Variants in CMIP observed in about 807,000 individuals in gnomAD.
CMIP encodes the protein c-Maf inducing protein.
A neutral mutation model predicts 97.3 loss-of-function variants in CMIP; 13 were observed. That is an observed-to-expected ratio of 0.13 (90% CI 0.09 to 0.21). The LOEUF (loss-of-function observed/expected upper bound fraction) is 0.21. Among genes scored for constraint, CMIP ranks in the 10% least tolerant of loss-of-function variants. The probability of loss-of-function intolerance (pLI) is 1.00; values close to 1 mark genes in which losing one functional copy is unlikely to be tolerated. For synonymous variants in CMIP, 538 were observed against 436.3 expected (o/e 1.23, Z -2.91); for missense variants, 847 against 1,024.9 (o/e 0.83, Z 2.37).
chr16:81,544,497 G>T (rs2090507355), intron 1 of CMIP, among the ~76,000 whole-genome samples: 1 of 151,622 alleles, frequency 6.6e-6, no homozygotes. Flanking sequence ...CAAACAGCCT[G>T]CCGCTGACCT....
chr16:81,476,502 C>T, intron 1 of CMIP: 1 of 708,308 alleles, frequency 1.4e-6, no homozygotes, highest in South Asian at 1.4e-5. Context: ...TGTCAGAGAA[C>T]ACAGTGGGGT....
chr16:81,466,318 C>T (rs1400502155), intron 1 of CMIP, among the ~76,000 whole-genome samples: 1 of 152,210 alleles, frequency 6.6e-6, no homozygotes, highest in African/African-American at 2.4e-5. Context: ...GCCTTGGCCT[C>T]CCAAAGTGTT....
chr16:81,692,933 TG>T (rs1179293738), intron 11 of CMIP, among the ~76,000 whole-genome samples: 2 of 152,176 alleles, frequency 1.3e-5, no homozygotes, highest in African/African-American at 2.4e-5. Flanking sequence ...CTTTCGGGAA[TG>T]GGGGGCCCAG....
At chr16:81,603,418 C>T (rs1357034744) in intron 1 of CMIP, 1 of 454,462 alleles carries the variant, frequency 2.2e-6, no homozygotes, top group Non-Finnish European at 4.4e-6. Flanking sequence ...TCTTTTAGGA[C>T]AGTTTGAGAT....
intron 1 of CMIP, among the ~76,000 whole-genome samples, chr16:81,455,550 C>T (rs1046726034): frequency 2.0e-5 from 3 of 152,216 alleles, no homozygotes; most frequent in African/African-American, 7.2e-5. Flanking sequence ...CGAGTTCTAC[C>T]ACTCCCCTGC....
At chr16:81,513,053 A>G (rs762814842) in intron 1 of CMIP, among the ~76,000 whole-genome samples, 17 of 152,200 alleles carry the variant, frequency 1.1e-4, no homozygotes, top group African/African-American at 2.7e-4. Flanking sequence ...ATGAATTTCA[A>G]TTCCTTGCAG....
intron 1 of CMIP, among the ~76,000 whole-genome samples, chr16:81,521,942 G>T (rs1172080567): frequency 2.0e-5 from 3 of 152,146 alleles, no homozygotes; most frequent in Non-Finnish European, 2.9e-5. Context: ...TGAAATGCAG[G>T]GTACAGAATA....
At chr16:81,469,255 C>G (rs1854996455) in intron 1 of CMIP, among the ~76,000 whole-genome samples, 1 of 152,238 alleles carries the variant, frequency 6.6e-6, no homozygotes, top group Non-Finnish European at 1.5e-5. Context: ...TATAGGAAAA[C>G]TGGGATCAGC....
At chr16:81,458,223 C>T (rs1365567314) in intron 1 of CMIP, among the ~76,000 whole-genome samples, 1 of 152,148 alleles carries the variant, frequency 6.6e-6, no homozygotes, top group Non-Finnish European at 1.5e-5. Context: ...TGACCCCAGA[C>T]CCATCCACGG....
intron 2 of CMIP, among the ~76,000 whole-genome samples, chr16:81,612,945 G>GCAGGACAGTATGGGGACTCTGCA (rs2091855865): frequency 6.6e-6 from 1 of 152,200 alleles, no homozygotes; most frequent in African/African-American, 2.4e-5. Flanking sequence ...TCAGCCACCA[G>GCAGGACAGTATGGGGACTCTGCA]CAGGACAGTA....
At chr16:81,541,824 G>C (rs2090454651) in intron 1 of CMIP, among the ~76,000 whole-genome samples, 1 of 152,188 alleles carries the variant, frequency 6.6e-6, no homozygotes, top group African/African-American at 2.4e-5. Flanking sequence ...GCGTTTATGT[G>C]AAAACGACCC....
chr16:81,625,755 G>C (rs1012150954), intron 3 of CMIP, among the ~76,000 whole-genome samples: 1 of 152,218 alleles, frequency 6.6e-6, no homozygotes, highest in African/African-American at 2.4e-5. Flanking sequence ...GCCCCGAGAA[G>C]CCAGGATGCA....
In CMIP at chr16:81,604,396, CA is replaced by C. The variant is rs886259734; in HGVS notation, c.301-3151del. 6.5e-3 allele frequency among the ~76,000 whole-genome samples: 380 copies of C among 58,670 alleles called. 1 individual carries two copies. The highest frequency in any genetic ancestry group is 0.024 in the Middle Eastern group (2 of 84). 38.5% of individuals were successfully genotyped at this position (58,670 alleles called of 152,430 possible). ...GGGTGACAAGAGCAAAACTCTGTCT[CA>C]AAAAAAAAAAAAAAAAAAAGGACCG... On this transcript the variant is annotated intron_variant, in intron 1 of 20. Transcript: ENST00000537098.
intron 1 of CMIP, among the ~76,000 whole-genome samples, chr16:81,456,515 A>G (rs75159987): frequency 0.011 from 1,644 of 152,222 alleles, 35 homozygotes; most frequent in African/African-American, 0.038. Context: ...CTTACCCAGA[A>G]CCTGTTTTAT....
intron 1 of CMIP, among the ~76,000 whole-genome samples, chr16:81,601,931 G>A (rs1459962917): frequency 6.6e-6 from 1 of 152,188 alleles, no homozygotes; most frequent in Non-Finnish European, 1.5e-5. Context: ...AGGGCTCTCC[G>A]GTTCCCTTTA....
At chr16:81,647,558 C>G (rs1391132564) in intron 3 of CMIP, among the ~76,000 whole-genome samples, 1 of 152,148 alleles carries the variant, frequency 6.6e-6, no homozygotes, top group African/African-American at 2.4e-5. Flanking sequence ...TCAGAAGAAT[C>G]CAGTGGCCTG....
At chr16:81,488,459 G>T (rs1219954004) in intron 1 of CMIP, among the ~76,000 whole-genome samples, 1 of 152,196 alleles carries the variant, frequency 6.6e-6, no homozygotes, top group Non-Finnish European at 1.5e-5. Flanking sequence ...TGCACGGAGG[G>T]AGTGTGCTGT....
intron 1 of CMIP, among the ~76,000 whole-genome samples, chr16:81,465,466 C>A (rs139965446): frequency 0.018 from 2,680 of 152,342 alleles, 90 homozygotes; most frequent in African/African-American, 0.061. Flanking sequence ...CTTCCTTTTC[C>A]TGTTCTCTGT....
chr16:81,668,465 C>T (rs1877713981), intron 7 of CMIP, among the ~76,000 whole-genome samples: 1 of 152,190 alleles, frequency 6.6e-6, no homozygotes, highest in South Asian at 2.1e-4. Flanking sequence ...TGCCTCCTGG[C>T]AGAGCTCTCT....
Sources: gnomAD v4.1 joint callset for allele counts (sites outside exome capture counted in the v4.1 genomes callset) on GRCh38, gnomAD v4.1.1 for gene constraint, MANE v1.5 for transcripts, NCBI Gene and HGNC (gene_info 2026-07-23, HGNC 2026-07-21) for gene names.